The following CDH18 variants were observed in gnomAD, a reference collection of about 807,000 sequenced individuals.
CDH18 encodes cadherin 18.
In CDH18, 31 loss-of-function variants were observed where a neutral mutation model predicts 67.9. The ratio of observed to expected loss-of-function variants is 0.46; its 90% CI spans 0.34 to 0.62. The LOEUF (loss-of-function observed/expected upper bound fraction) is 0.62. Among genes scored for constraint, CDH18 ranks in the 20% least tolerant of loss-of-function variants. The pLI is 0.01. For synonymous variants in CDH18, 362 were observed against 347.2 expected (o/e 1.04, Z -0.48); for missense variants, 890 against 975.5 (o/e 0.91, Z 1.17).
At chr5:19,916,980 C>G (rs1432093083) in intron 2 of CDH18, among the ~76,000 whole-genome samples, 1 of 151,432 alleles carries the variant, frequency 6.6e-6, no homozygotes, top group Non-Finnish European at 1.5e-5. Flanking sequence ...AATGATGACA[C>G]ATTAAAAACT....
intron 2 of CDH18, among the ~76,000 whole-genome samples, chr5:20,207,498 G>T (rs995859418): frequency 2.0e-5 from 3 of 152,028 alleles, no homozygotes; most frequent in Non-Finnish European, 4.4e-5. Context: ...GTTCCATGTG[G>T]CTGAAGAAGC....
chr5:19,907,314 A>C lies in CDH18; in HGVS notation c.-256-68072T>G, dbSNP rs1034596009. ...TCGTATTTACAATGCTTGGGACAAA[A>C]GTGTTTTGGATTTGGGGTTTTGTTT... On this transcript the variant is annotated intron_variant, in intron 2 of 12. Coordinates refer to ENST00000382275, the MANE Select transcript of CDH18 (RefSeq NM_004934.5). 5.3e-5 allele frequency among the ~76,000 whole-genome samples: 8 copies of C among 151,972 alleles called. No homozygotes were observed. In the South Asian group the frequency reaches 1.0e-3, roughly 20 times the overall value.
chr5:19,707,993 T>C (rs926788620), intron 5 of CDH18, among the ~76,000 whole-genome samples: 6 of 152,290 alleles, frequency 3.9e-5, no homozygotes, highest in Admixed American at 3.3e-4. Context: ...TTAAGAAGTG[T>C]GGCAAGAGTT....
At chr5:20,273,268 T>G (rs1745570355) in intron 1 of CDH18, among the ~76,000 whole-genome samples, 1 of 152,150 alleles carries the variant, frequency 6.6e-6, no homozygotes, top group African/African-American at 2.4e-5. Flanking sequence ...ATTAAAACAT[T>G]ATCTTTCTCA....
chr5:20,469,416 T>C (rs902242685), intron 1 of CDH18, among the ~76,000 whole-genome samples: 1 of 152,296 alleles, frequency 6.6e-6, no homozygotes. Flanking sequence ...TTATCTTCGC[T>C]TCTGCCTTTC....
At chr5:20,569,982 A>G (rs1206307684) in intron 1 of CDH18, among the ~76,000 whole-genome samples, 1 of 152,174 alleles carries the variant, frequency 6.6e-6, no homozygotes, top group African/African-American at 2.4e-5. Context: ...AACTATGGAT[A>G]TATTAAAAGA....
intron 6 of CDH18, among the ~76,000 whole-genome samples, chr5:19,605,592 G>T (rs187638737): frequency 2.6e-5 from 4 of 152,036 alleles, no homozygotes; most frequent in Non-Finnish European, 5.9e-5. Flanking sequence ...TGATGGAGGG[G>T]TATATCTAAC....
At chr5:19,901,121 TTTA>T (rs1306702512) in intron 2 of CDH18, among the ~76,000 whole-genome samples, 36 of 152,252 alleles carry the variant, frequency 2.4e-4, no homozygotes, top group African/African-American at 8.7e-4. Flanking sequence ...TACTATTTTC[TTTA>T]TTATTAATAT....
chr5:20,350,649 T>A (rs533418784), intron 1 of CDH18, among the ~76,000 whole-genome samples: 3 of 152,106 alleles, frequency 2.0e-5, no homozygotes, highest in Non-Finnish European at 4.4e-5. Flanking sequence ...TTTCATGACT[T>A]TTATGGGTTT....
intron 5 of CDH18, among the ~76,000 whole-genome samples, chr5:19,694,274 G>A (rs1037662251): frequency 6.6e-6 from 1 of 151,906 alleles, no homozygotes; most frequent in African/African-American, 2.4e-5. Context: ...ACTCTGTTTT[G>A]AGCATTGGTT....
chr5:20,446,248 G>A (rs1749991608), intron 1 of CDH18, among the ~76,000 whole-genome samples: 1 of 152,132 alleles, frequency 6.6e-6, no homozygotes, highest in East Asian at 1.9e-4. Flanking sequence ...GCTTGCCACA[G>A]ACTTTACCAC....
chr5:20,127,646 A>G (rs922857214), intron 2 of CDH18, among the ~76,000 whole-genome samples: 1 of 152,100 alleles, frequency 6.6e-6, no homozygotes, highest in Non-Finnish European at 1.5e-5. Context: ...TAAAGTAATC[A>G]AACACATGGA....
intron 3 of CDH18, among the ~76,000 whole-genome samples, chr5:19,835,054 A>T (rs1781470226): frequency 6.6e-6 from 1 of 152,202 alleles, no homozygotes. Flanking sequence ...TCATTCTAGT[A>T]TAAAGACACA....
At chr5:20,201,178 T>C (rs570856391) in intron 2 of CDH18, among the ~76,000 whole-genome samples, 2 of 152,012 alleles carry the variant, frequency 1.3e-5, no homozygotes, top group East Asian at 3.9e-4. Context: ...GGGCATTCTT[T>C]GGCTACTAGA....
At chr5:19,681,527 G>T (rs1254576270) in intron 5 of CDH18, among the ~76,000 whole-genome samples, 5 of 151,752 alleles carry the variant, frequency 3.3e-5, no homozygotes, top group Admixed American at 6.6e-5. Context: ...CTAAAGATTG[G>T]CTGCTTTTCC....
intron 1 of CDH18, among the ~76,000 whole-genome samples, chr5:20,519,623 T>TAATAA (rs1307344146): frequency 3.9e-5 from 6 of 151,902 alleles, no homozygotes; most frequent in Admixed American, 2.0e-4. Flanking sequence ...AGTATAATAA[T>TAATAA]AATAAAATAA....
rs199726036 is a variant in CDH18 at position 20,196,268 on chromosome 5, A to C, written c.-518+59176T>G. On this transcript the variant is annotated intron_variant, in intron 2 of 14. Coordinates refer to the CDH18 transcript ENST00000507958. ...GAGTTATAGTGTTTACTAATTTGAT[A>C]GGCAATATTCTGACTATTTTAAATA... Among the ~76,000 whole-genome samples, 64 of 149,462 alleles carry C rather than the reference A, an allele frequency of 4.3e-4. 1 individual carries two copies. The East Asian group carries it at 7.3e-3, about 17-fold the overall frequency.
chr5:19,515,543 T>C (rs1579940222), intron 10 of CDH18, among the ~76,000 whole-genome samples: 1 of 152,318 alleles, frequency 6.6e-6, no homozygotes, highest in Middle Eastern at 3.4e-3. Flanking sequence ...TGGTTTGCAG[T>C]TCTCCTTGAA....
At chr5:19,785,665 AAAAAAAAAAAAAAAATATATATATAT>A (rs1775639814) in intron 3 of CDH18, among the ~76,000 whole-genome samples, 1 of 61,552 alleles carries the variant, frequency 1.6e-5, no homozygotes, top group Non-Finnish European at 2.9e-5. Flanking sequence ...AAAAAAAAAA[AAAAAAAAAAAAAAAATATATATATAT>A]ATATATATAT....
Sources: gnomAD v4.1 joint callset for allele counts (sites outside exome capture counted in the v4.1 genomes callset) on GRCh38, gnomAD v4.1.1 for gene constraint, MANE v1.5 for transcripts, NCBI Gene and HGNC (gene_info 2026-07-23, HGNC 2026-07-21) for gene names.